The following USP34 variants were observed in gnomAD, a reference collection of about 807,000 sequenced individuals.
USP34 encodes the protein ubiquitin carboxyl-terminal hydrolase 34.
USP34 carries 70 observed loss-of-function variants against 460.3 expected under a neutral mutation model. That is an observed-to-expected ratio of 0.15 (90% CI 0.13 to 0.19). USP34 has a LOEUF of 0.19. Among genes scored for constraint, USP34 ranks in the 10% least tolerant of loss-of-function variants. USP34 has a pLI of 1.00. For missense variants in USP34, 3,985 were observed against 4,236.2 expected (o/e 0.94, Z 1.65); for synonymous variants, 1,647 against 1,405.3 (o/e 1.17, Z -3.85).
intron 34 of USP34, among the ~76,000 whole-genome samples, chr2:61,288,405 T>C (rs1170780693): frequency 6.6e-6 from 1 of 152,246 alleles, no homozygotes; most frequent in Non-Finnish European, 1.5e-5. Context: ...TCTGTTTTCA[T>C]AAATGCATCC....
chr2:61,358,651 C>T (rs530077077), intron 10 of USP34, among the ~76,000 whole-genome samples: 1 of 152,076 alleles, frequency 6.6e-6, no homozygotes, highest in East Asian at 1.9e-4. Flanking sequence ...GAAAGGCATC[C>T]AAATGAGAAA....
At chr2:61,412,121 A>AACTGATCAATACTTCTGAAATTCT (rs1553385509) in intron 2 of USP34, among the ~76,000 whole-genome samples, 1 of 149,668 alleles carries the variant, frequency 6.7e-6, no homozygotes, top group Non-Finnish European at 1.5e-5. Context: ...CCCAGGAGGC[A>AACTGATCAATACTTCTGAAATTCT]GAGGCTGCAG....
intron 16 of USP34, among the ~76,000 whole-genome samples, chr2:61,341,169 T>C (rs1234718543): frequency 1.3e-5 from 2 of 152,230 alleles, no homozygotes; most frequent in Non-Finnish European, 2.9e-5. Flanking sequence ...GATGTGTCTG[T>C]AGTTCTTTCC....
intron 44 of USP34, among the ~76,000 whole-genome samples, chr2:61,258,273 G>C (rs1164024020): frequency 6.6e-6 from 1 of 152,170 alleles, no homozygotes; most frequent in Non-Finnish European, 1.5e-5. Flanking sequence ...GCCATGAGAC[G>C]AGATGGTGCC....
chr2:61,432,821 T>G (rs2104001480), intron 1 of USP34, among the ~76,000 whole-genome samples: 1 of 152,078 alleles, frequency 6.6e-6, no homozygotes, highest in South Asian at 2.1e-4. Flanking sequence ...TTCCCATTTC[T>G]GCACATGACT....
At chr2:61,290,707 G>A (rs1209611935) in intron 33 of USP34, among the ~76,000 whole-genome samples, 1 of 152,078 alleles carries the variant, frequency 6.6e-6, no homozygotes, top group Non-Finnish European at 1.5e-5. Context: ...TTGGATGTTA[G>A]AGCGTTACAT....
intron 12 of USP34, among the ~76,000 whole-genome samples, chr2:61,349,625 G>C (rs1691883572): frequency 1.3e-5 from 2 of 152,146 alleles, no homozygotes; most frequent in South Asian, 4.1e-4. Flanking sequence ...TGGATGACAA[G>C]ATCAGGAGAT....
At chr2:61,413,212 G>A (rs542106122) in intron 2 of USP34, among the ~76,000 whole-genome samples, 53 of 151,988 alleles carry the variant, frequency 3.5e-4, no homozygotes, top group African/African-American at 1.3e-3. Flanking sequence ...TGGCCAACAC[G>A]GTGAAACCCT....
rs184817344 is a variant in USP34, at chr2:61,353,362, T to C, written c.1252-2669A>G. ...ACAAAAAGTCCACAGAAAATATACC[T>C]GAAGTCCACCTGTTGCACTTCCTAG... On this transcript the variant is annotated intron_variant, in intron 10 of 79. Transcript: ENST00000398571. Among the ~76,000 whole-genome samples the C allele has an allele frequency of 2.0e-5, 3 of 151,066 alleles. No individual in the cohort carries two copies. In the East Asian group the frequency reaches 5.8e-4, roughly 29 times the overall value.
At chr2:61,250,972 A>T (rs1487565836) in intron 48 of USP34, among the ~76,000 whole-genome samples, 1 of 152,138 alleles carries the variant, frequency 6.6e-6, no homozygotes, top group Non-Finnish European at 1.5e-5. Context: ...CCCCGTGTCT[A>T]CTAAAAATAC....
chr2:61,264,272 A>C (rs1161847556), intron 43 of USP34, among the ~76,000 whole-genome samples: 1 of 146,816 alleles, frequency 6.8e-6, no homozygotes, highest in African/African-American at 2.4e-5. Flanking sequence ...CTTAAACATA[A>C]TAAATAATTC....
chr2:61,263,728 G>A (rs558675792), intron 43 of USP34, among the ~76,000 whole-genome samples: 1 of 148,946 alleles, frequency 6.7e-6, no homozygotes, highest in Non-Finnish European at 1.5e-5. Context: ...GTGATCCACC[G>A]ACCTCTGCCT....
chr2:61,315,705 TGAC>T lies in USP34; in HGVS notation c.3283-734_3283-732del, dbSNP rs1690723467. On this transcript the variant is annotated intron_variant, in intron 23 of 79. Transcript: ENST00000398571. ...CAAATTTATGATGTCAACCATGAGA[TGAC>T]AACAAAAAATGTTTTCACTAAAAAC... is the stretch of plus-strand genomic sequence containing the variant. Among the ~76,000 whole-genome samples the T allele has an allele frequency of 2.0e-5, 3 of 152,116 alleles. No individual in the cohort carries two copies. In the South Asian group the frequency reaches 6.2e-4, roughly 32 times the overall value.
chr2:61,319,063 G>T, intron 22 of USP34, 110 bp downstream of exon 22: 1 of 1,045,338 alleles, frequency 9.6e-7, no homozygotes, highest in Non-Finnish European at 1.3e-6. Context: ...CATTACATTT[G>T]GCTACTTAAA....
At chr2:61,452,713 G>C (rs1292871552) in intron 1 of USP34, among the ~76,000 whole-genome samples, 2 of 147,888 alleles carry the variant, frequency 1.4e-5, no homozygotes, top group African/African-American at 5.1e-5. Flanking sequence ...AAGAGGCCCT[G>C]TCTCCACCAA....
intron 20 of USP34, among the ~76,000 whole-genome samples, chr2:61,325,658 T>G (rs964282089): frequency 9.2e-5 from 14 of 151,988 alleles, no homozygotes; most frequent in African/African-American, 3.4e-4. Context: ...TACACAAATC[T>G]CAAAACTACA....
intron 18 of USP34, 41 bp from the exon 19 acceptor site, chr2:61,334,012 C>A (rs1691346990): frequency 3.6e-6 from 5 of 1,406,794 alleles, no homozygotes; most frequent in Admixed American, 2.2e-5. Context: ...TTTAGTAATT[C>A]TTTTTATAGA....
At chr2:61,440,000 G>A (rs1207146495) in intron 1 of USP34, among the ~76,000 whole-genome samples, 1 of 152,170 alleles carries the variant, frequency 6.6e-6, no homozygotes, top group Non-Finnish European at 1.5e-5. Flanking sequence ...AGGAGGGGCA[G>A]TGTGAGCTCC....
chr2:61,397,910 AAAAG>A (rs1693585039), intron 3 of USP34, among the ~76,000 whole-genome samples: 1 of 151,704 alleles, frequency 6.6e-6, no homozygotes, highest in South Asian at 2.1e-4. Context: ...AAGAAAAAAA[AAAAG>A]AAATTAACCA....
Sources: gnomAD v4.1 joint callset for allele counts (sites outside exome capture counted in the v4.1 genomes callset) on GRCh38, gnomAD v4.1.1 for gene constraint, MANE v1.5 for transcripts, NCBI Gene and HGNC (gene_info 2026-07-23, HGNC 2026-07-21) for gene names.